The following TRPM6 variants were observed in gnomAD, a reference collection of about 807,000 sequenced individuals.
TRPM6 encodes the protein transient receptor potential cation channel subfamily M member 6.
Under a neutral mutation model 247.6 loss-of-function variants are expected in TRPM6, and 111 were observed. The observed-to-expected ratio is 0.45, with a 90% CI of 0.38 to 0.52. The LOEUF (loss-of-function observed/expected upper bound fraction) is 0.52, where lower values mean the gene tolerates loss of function less well. Ranked by LOEUF, TRPM6 falls within the 20% of genes least tolerant of loss-of-function variation. The pLI, the probability that TRPM6 is intolerant of heterozygous loss-of-function variation, is 0.00. For synonymous variants in TRPM6, 892 were observed against 853.8 expected (o/e 1.04, Z -0.78); for missense variants, 2,126 against 2,421.5 (o/e 0.88, Z 2.56).
At chr9:74,836,320 TTA>T (rs1162286658) in intron 5 of TRPM6, among the ~76,000 whole-genome samples, 1 of 152,228 alleles carries the variant, frequency 6.6e-6, no homozygotes, top group Non-Finnish European at 1.5e-5. Flanking sequence ...GGTACTGACC[TTA>T]TATGTGTCAT....
In TRPM6 at chr9:74,803,868, C is replaced by T; in HGVS notation, c.1657G>A (p.Gly553Arg). The stretch of plus-strand genomic sequence containing the variant: ...CTTTCTGCAGACTCATTTCTATTTC[C>T]TGAGGAGTGTCTCTGGTGCTGGGAA... The part of the protein sequence containing the change: ...RKYKHQRHSS[G>R]NRNESAESTL... The change falls in exon 15 of 39, where the codon GGA (glycine) becomes AGA (arginine). Residue 553 changes from glycine to arginine, a missense_variant. Coordinates refer to ENST00000360774, the MANE Select transcript of TRPM6 (RefSeq NM_017662.5). The T allele has an allele frequency of 1.2e-6, 2 of 1,612,886 alleles. No individual in the cohort carries two copies. Among genetic ancestry groups the T allele is most frequent in the Non-Finnish European group, 1.7e-6 (2 of 1,178,914 alleles).
chr9:74,798,047 CA>C (rs1180220157), intron 17 of TRPM6, among the ~76,000 whole-genome samples: 1 of 151,742 alleles, frequency 6.6e-6, no homozygotes. Context: ...ACAGTCTTTT[CA>C]AAAAAAATTT....
intron 17 of TRPM6, 174 bp downstream of exon 17, chr9:74,800,080 C>G: frequency 1.5e-6 from 1 of 654,574 alleles, no homozygotes; most frequent in South Asian, 1.8e-5. Context: ...GAAGACCAAT[C>G]TTCTGTCAAG....
At chr9:74,799,437 A>G (rs1467889588) in intron 17 of TRPM6, among the ~76,000 whole-genome samples, 1 of 152,126 alleles carries the variant, frequency 6.6e-6, no homozygotes, top group African/African-American at 2.4e-5. Context: ...TTGATAATTT[A>G]AGATAATAGA....
chr9:74,882,954 C>T (rs1019644973), intron 1 of TRPM6, among the ~76,000 whole-genome samples: 1 of 152,078 alleles, frequency 6.6e-6, no homozygotes, highest in South Asian at 2.1e-4. Context: ...CATTGTTGTG[C>T]GGCCAATCTC....
At chr9:74,796,705 C>A in intron 18 of TRPM6, 36 bp downstream of exon 18, 1 of 1,606,148 alleles carries the variant, frequency 6.2e-7, no homozygotes, top group Non-Finnish European at 8.5e-7. Context: ...GCAGTCAATA[C>A]AATGAAAATT....
chr9:74,801,522 C>T (rs1828338016), intron 16 of TRPM6, among the ~76,000 whole-genome samples: 1 of 152,082 alleles, frequency 6.6e-6, no homozygotes, highest in Non-Finnish European at 1.5e-5. Context: ...TGTTTTCCCA[C>T]CTGAGAGATA....
rs1825400502 is a variant in TRPM6 at position 74,728,265 on chromosome 9, G to C, written c.5909C>G (p.Ser1970Cys). ...CGGGAGTTTGAGCTTCCGGCAGCAG[G>C]AGTTACAATGATGTTTTGCAATGAA... is the stretch of plus-strand genomic sequence containing the variant. ...RNFIAKHHCN[S>C]CCRKLKLPDL... The change falls in exon 38 of 39, where the codon TCC becomes TGC. Residue 1970 changes from serine to cysteine, a missense_variant. By Grantham distance (112) the Ser-to-Cys change is moderately radical (BLOSUM62 -1). Around this residue, in one of 3 missense-constraint regions of TRPM6, gnomAD observed 327 missense variants for 397.7 expected, o/e 0.82. Coordinates refer to ENST00000360774, the MANE Select transcript of TRPM6 (RefSeq NM_017662.5). 1 of 1,613,974 alleles carries C rather than the reference G, an allele frequency of 6.2e-7. No individual in the cohort carries two copies. Among genetic ancestry groups the C allele is most frequent in the Admixed American group, 1.7e-5 (1 of 59,990 alleles).
At chr9:74,788,524 T>C in intron 20 of TRPM6, 90 bp downstream of exon 20, 1 of 1,515,066 alleles carries the variant, frequency 6.6e-7, no homozygotes, top group Admixed American at 1.7e-5. Flanking sequence ...GACATGTCCA[T>C]TTTCATCACC....
chr9:74,887,681 G>T (rs768835683), intron 1 of TRPM6, 143 bp downstream of exon 1: 1 of 1,605,542 alleles, frequency 6.2e-7, no homozygotes, highest in African/African-American at 1.3e-5. Context: ...TTGAAAGCCG[G>T]TATTTCATAA....
chr9:74,824,866 A>G (rs1041273560), intron 7 of TRPM6, among the ~76,000 whole-genome samples: 1 of 152,072 alleles, frequency 6.6e-6, no homozygotes, highest in Non-Finnish European at 1.5e-5. Context: ...TTCCTACAGC[A>G]ACTTTATAAT....
chr9:74,752,543 G>A (rs1826285599), intron 28 of TRPM6, among the ~76,000 whole-genome samples, 175 bp from the exon 29 acceptor site: 1 of 151,884 alleles, frequency 6.6e-6, no homozygotes, highest in Non-Finnish European at 1.5e-5. Context: ...TTCTCAAGAG[G>A]TTGAAAACTA....
intron 29 of TRPM6, among the ~76,000 whole-genome samples, chr9:74,751,057 C>T (rs182799450): frequency 3.0e-4 from 45 of 152,238 alleles, no homozygotes; most frequent in African/African-American, 1.0e-3. Context: ...ACTGAACATA[C>T]ACAATCAGCT....
rs745758503 is a variant in TRPM6, at chr9:74,785,898, T to A, written c.2895A>T (p.Pro965=). The A allele has an allele frequency of 2.5e-6, 4 of 1,614,102 alleles. No homozygotes were observed. Among genetic ancestry groups the A allele is most frequent in the South Asian group, 2.2e-5 (2 of 91,094 alleles). The part of the protein sequence containing the change: ...DFFAVNQHAG[P]YVTMIAKMTA... ...CCATTTTTGCAATCATGGTCACATA[T>A]GGACCTGCATGTTGATTCACAGCAA... The change falls in exon 21 of 39, where the codon CCA becomes CCT. Residue 965 remains proline, a synonymous_variant. Transcript: ENST00000360774.
chr9:74,863,021 TTTTTGTTTTGTTTTGTTTTTTGTTTGG>T (rs1830736920), intron 1 of TRPM6, among the ~76,000 whole-genome samples: 1 of 151,816 alleles, frequency 6.6e-6, no homozygotes, highest in Non-Finnish European at 1.5e-5. Context: ...AAACAAAGTT[TTTTTGTTTTGTTTTGTTTTTTGTTTGG>T]TTTTGTTTTG....
rs188494092 is a variant in TRPM6 at position 74,834,740 on chromosome 9, A to T, written c.545-618T>A. ...TTTCTGTCCTTGCGATAGTTTGCTC[A>T]TCTATGTCCCTACAAGGGACATGAA... On this transcript the variant is annotated intron_variant, in intron 5 of 38. Transcript: ENST00000360774. Among the ~76,000 whole-genome samples the T allele has an allele frequency of 1.6e-3, 247 of 151,946 alleles. 2 individuals carry two copies. The highest frequency in any genetic ancestry group is 5.7e-3 in the African/African-American group (234 of 41,408).
At chr9:74,843,763 C>A (rs530365488) in intron 3 of TRPM6, among the ~76,000 whole-genome samples, 1 of 145,722 alleles carries the variant, frequency 6.9e-6, no homozygotes, top group South Asian at 2.1e-4. Context: ...TGCAGTGAGC[C>A]GAGATAGTGC....
intron 31 of TRPM6, among the ~76,000 whole-genome samples, chr9:74,747,549 A>C (rs1269592197): frequency 6.6e-6 from 1 of 152,214 alleles, no homozygotes; most frequent in Non-Finnish European, 1.5e-5. Context: ...CCATATAACA[A>C]TCTTATAAAT....
chr9:74,798,221 C>T (rs536907803), intron 17 of TRPM6, among the ~76,000 whole-genome samples: 2 of 150,814 alleles, frequency 1.3e-5, no homozygotes, highest in East Asian at 3.9e-4. Flanking sequence ...AGTTGGCATT[C>T]ATTATTAAGT....
Sources: gnomAD v4.1 joint callset for allele counts (sites outside exome capture counted in the v4.1 genomes callset) on GRCh38, gnomAD v4.1.1 for gene constraint, gnomAD v4.1.1 regional missense constraint, MANE v1.5 for transcripts, NCBI Gene and HGNC (gene_info 2026-07-23, HGNC 2026-07-21) for gene names.